Variants in TMEM132D observed in about 807,000 individuals in gnomAD.
TMEM132D encodes mature OL transmembrane protein.
Under a neutral mutation model 62.3 loss-of-function variants are expected in TMEM132D, and 21 were observed. The ratio of observed to expected loss-of-function variants is 0.34; its 90% confidence interval spans 0.24 to 0.49. The LOEUF is 0.49. Ranked by LOEUF, TMEM132D falls within the 20% of genes least tolerant of loss-of-function variation. The pLI is 0.99. For synonymous variants in TMEM132D, 621 were observed against 575.6 expected (o/e 1.08, Z -1.13); for missense variants, 1,346 against 1,402.8 (o/e 0.96, Z 0.65).
At chr12:129,408,440 CTTT>C (rs34261219) in intron 3 of TMEM132D, among the ~76,000 whole-genome samples, 1 of 143,708 alleles carries the variant, frequency 7.0e-6, no homozygotes, top group Admixed American at 7.0e-5. Context: ...TTGATAGTAG[CTTT>C]TTTTTTTTTT....
chr12:129,373,423 G>A (rs1440377947), intron 3 of TMEM132D, among the ~76,000 whole-genome samples: 1 of 152,080 alleles, frequency 6.6e-6, no homozygotes, highest in African/African-American at 2.4e-5. Context: ...ACGAGGTCAG[G>A]AGATCAAGAC....
At chr12:129,467,858 G>A (rs1873961758) in intron 3 of TMEM132D, among the ~76,000 whole-genome samples, 2 of 152,200 alleles carry the variant, frequency 1.3e-5, no homozygotes, top group Admixed American at 1.3e-4. Context: ...GAAGGCCACT[G>A]AAGCTTTTCA....
At chr12:129,224,579 T>C (rs1346256773) in intron 4 of TMEM132D, among the ~76,000 whole-genome samples, 2 of 152,160 alleles carry the variant, frequency 1.3e-5, no homozygotes, top group African/African-American at 4.8e-5. Flanking sequence ...TTAGAAATAA[T>C]ATTTTATTGT....
intron 1 of TMEM132D, among the ~76,000 whole-genome samples, chr12:129,708,225 A>C (rs942078048): frequency 5.3e-5 from 8 of 152,180 alleles, no homozygotes; most frequent in Admixed American, 5.2e-4. Flanking sequence ...TCAAAAACAG[A>C]AAAAAGAAAA....
chr12:129,250,890 T>C (rs1316253844), intron 4 of TMEM132D, among the ~76,000 whole-genome samples: 1 of 152,208 alleles, frequency 6.6e-6, no homozygotes, highest in African/African-American at 2.4e-5. Context: ...AGAGGAATAA[T>C]GTTTTAAATA....
chr12:129,417,950 A>G (rs1240115043), intron 3 of TMEM132D, among the ~76,000 whole-genome samples: 1 of 152,248 alleles, frequency 6.6e-6, no homozygotes, highest in Non-Finnish European at 1.5e-5. Context: ...TATGAAAAAA[A>G]GCTCATCGTC....
At chr12:129,313,481 T>C (rs1327236275) in intron 4 of TMEM132D, among the ~76,000 whole-genome samples, 4 of 152,128 alleles carry the variant, frequency 2.6e-5, no homozygotes, top group African/African-American at 9.7e-5. Context: ...TCCAGGTCAC[T>C]GAAAATGCTG....
chr12:129,891,922 T>A (rs1024386493), intron 1 of TMEM132D, among the ~76,000 whole-genome samples: 2 of 152,140 alleles, frequency 1.3e-5, no homozygotes, highest in Non-Finnish European at 2.9e-5. Context: ...ATATCAAAAA[T>A]GTGAAGCAGT....
chr12:129,358,579 A>ACAGT (rs1870149265), intron 3 of TMEM132D, among the ~76,000 whole-genome samples: 2 of 152,190 alleles, frequency 1.3e-5, no homozygotes. Context: ...TCTAGAGCAT[A>ACAGT]CAGTCTGTAG....
intron 3 of TMEM132D, among the ~76,000 whole-genome samples, chr12:129,430,045 G>A (rs1030596191): frequency 7.2e-5 from 11 of 152,070 alleles, no homozygotes; most frequent in African/African-American, 2.2e-4. Flanking sequence ...ATAAACATAC[G>A]TGTGTATGTG....
At chr12:129,799,075 T>A (rs1342071208) in intron 1 of TMEM132D, among the ~76,000 whole-genome samples, 1 of 152,170 alleles carries the variant, frequency 6.6e-6, no homozygotes, top group South Asian at 2.1e-4. Context: ...ACCAATCCTG[T>A]CCAACACAGT....
chr12:129,785,277 C>T (rs995557087), intron 1 of TMEM132D, among the ~76,000 whole-genome samples: 1 of 152,132 alleles, frequency 6.6e-6, no homozygotes, highest in African/African-American at 2.4e-5. Flanking sequence ...CCTCGCTCTA[C>T]TTAGTATCAG....
At chr12:129,131,926 A>G (rs994138685) in intron 5 of TMEM132D, among the ~76,000 whole-genome samples, 10 of 152,294 alleles carry the variant, frequency 6.6e-5, no homozygotes, top group African/African-American at 2.4e-4. Context: ...ATAGGAGACC[A>G]CAGGGTAAAC....
At chr12:129,288,834 T>C (rs1881371224) in intron 4 of TMEM132D, among the ~76,000 whole-genome samples, 1 of 152,206 alleles carries the variant, frequency 6.6e-6, no homozygotes, top group Non-Finnish European at 1.5e-5. Context: ...AACCTAAATG[T>C]CCATCAGTGA....
rs540641991 is a variant in TMEM132D at position 129,868,518 on chromosome 12, G to A, written c.79+34743C>T. ...GCTGAACCCCCTAGAAGACATAATC[G>A]TGAGTCGAGGCTTCCTGTGTCAGCC... On this transcript the variant is annotated intron_variant, in intron 1 of 8. Transcript: ENST00000422113. Among the ~76,000 whole-genome samples, 7 of 152,250 alleles carry A rather than the reference G, an allele frequency of 4.6e-5. No homozygotes were observed. The South Asian group carries it at 1.4e-3, about 32-fold the overall frequency.
At chr12:129,826,902 T>G (rs1872677430) in intron 1 of TMEM132D, among the ~76,000 whole-genome samples, 1 of 152,204 alleles carries the variant, frequency 6.6e-6, no homozygotes, top group Admixed American at 6.5e-5. Context: ...TTGACCTAGT[T>G]GTGAAAGAAA....
chr12:129,317,756 T>C (rs113126258), intron 4 of TMEM132D, among the ~76,000 whole-genome samples: 1,609 of 152,318 alleles, frequency 0.011, 29 homozygotes, highest in African/African-American at 0.036. Flanking sequence ...TTTACAATTC[T>C]CTTCTTCCTC....
At chr12:129,355,216 A>C (rs1870001357) in intron 3 of TMEM132D, among the ~76,000 whole-genome samples, 1 of 152,162 alleles carries the variant, frequency 6.6e-6, no homozygotes, top group Non-Finnish European at 1.5e-5. Flanking sequence ...GTAGACACTG[A>C]CCTCTGAGAG....
chr12:129,086,201 C>CGTGTGTGTGTGT (rs1218792744), intron 5 of TMEM132D, among the ~76,000 whole-genome samples: 139 of 141,126 alleles, frequency 9.8e-4, no homozygotes, highest in African/African-American at 3.4e-3. Context: ...CACGCGCGCG[C>CGTGTGTGTGTGT]GTGTGTGTGT....
Sources: allele counts gnomAD v4.1 joint callset (sites outside exome capture counted in the v4.1 genomes callset), GRCh38; gene constraint gnomAD v4.1.1; transcripts MANE v1.5; gene names NCBI Gene and HGNC (gene_info 2026-07-23, HGNC 2026-07-21).